Variants in PDE4B observed in about 807,000 individuals in gnomAD.
PDE4B encodes the protein phosphodiesterase 4B, also known as 3',5'-cyclic-AMP phosphodiesterase 4B.
In PDE4B, 20 loss-of-function variants were observed where a neutral mutation model predicts 82.2. The ratio of observed to expected loss-of-function variants is 0.24; its 90% CI spans 0.17 to 0.35. PDE4B has a LOEUF of 0.35. Among genes scored for constraint, PDE4B ranks in the 10% least tolerant of loss-of-function variants. PDE4B has a pLI of 1.00. For synonymous variants in PDE4B, 320 were observed against 318.9 expected (o/e 1.00, Z -0.04); for missense variants, 655 against 907.2 (o/e 0.72, Z 3.57).
At chr1:65,872,002 A>G (rs1325220556) in intron 1 of PDE4B, among the ~76,000 whole-genome samples, 1 of 152,122 alleles carries the variant, frequency 6.6e-6, no homozygotes, top group African/African-American at 2.4e-5. Flanking sequence ...GTTTTTTTAA[A>G]GAGTAGGTGA....
intron 3 of PDE4B, among the ~76,000 whole-genome samples, chr1:66,235,104 A>G (rs1652301737): frequency 6.6e-6 from 1 of 152,214 alleles, no homozygotes; most frequent in Non-Finnish European, 1.5e-5. Flanking sequence ...TTCCGCTCTG[A>G]TCAGAAGACA....
intron 3 of PDE4B, among the ~76,000 whole-genome samples, chr1:66,132,181 G>C (rs578144975): frequency 6.6e-6 from 1 of 152,148 alleles, no homozygotes; most frequent in Non-Finnish European, 1.5e-5. Context: ...TGACTTTAGA[G>C]TGTCCCTGAA....
intron 1 of PDE4B, among the ~76,000 whole-genome samples, chr1:65,867,087 G>T (rs574784782): frequency 6.6e-6 from 1 of 152,220 alleles, no homozygotes; most frequent in South Asian, 2.1e-4. Flanking sequence ...GATGGAATAA[G>T]ACTGATAACA....
chr1:66,289,356 A>T (rs764911013), intron 7 of PDE4B, among the ~76,000 whole-genome samples: 1 of 152,190 alleles, frequency 6.6e-6, no homozygotes, highest in Non-Finnish European at 1.5e-5. Flanking sequence ...ATAGATTTTG[A>T]TAAGTGCTTC....
chr1:66,012,691 G>T (rs1652554299), intron 3 of PDE4B, among the ~76,000 whole-genome samples: 1 of 152,034 alleles, frequency 6.6e-6, no homozygotes. Context: ...ATATTTTCAA[G>T]GACTTGAACA....
At chr1:66,271,144 C>T (rs1006196387) in intron 7 of PDE4B, among the ~76,000 whole-genome samples, 2 of 152,198 alleles carry the variant, frequency 1.3e-5, no homozygotes, top group African/African-American at 4.8e-5. Flanking sequence ...ACATTAATAC[C>T]TCAGCTAAAG....
At chr1:66,054,161 A>G (rs12759111) in intron 3 of PDE4B, among the ~76,000 whole-genome samples, 12,550 of 152,206 alleles carry the variant, frequency 0.082, 973 homozygotes, top group East Asian at 0.26. Context: ...TGTTGCCGTG[A>G]TTTGTATTTT....
At position 66,346,498 on chromosome 1, in the gene PDE4B, AT is replaced by A. The variant is rs570214686; in HGVS notation, c.748-9026del. Among the ~76,000 whole-genome samples, 102 of 152,274 alleles carry A rather than the reference AT, an allele frequency of 6.7e-4. 1 individual carries two copies. In the Middle Eastern group the frequency reaches 0.01, roughly 15 times the overall value. On this transcript the variant is annotated intron_variant, in intron 8 of 16. Coordinates refer to ENST00000341517, the MANE Select transcript of PDE4B (RefSeq NM_002600.4). ...ACCATTTTGAGTTATGGTGCTTTTC[AT>A]TTGACTTGCTTCATCTATCTTTCTG...
intron 3 of PDE4B, among the ~76,000 whole-genome samples, chr1:66,201,650 T>C (rs1326426378): frequency 2.6e-5 from 4 of 151,358 alleles, no homozygotes; most frequent in African/African-American, 9.7e-5. Context: ...TTTGTAGTAT[T>C]CTCTGATGGT....
At chr1:65,859,011 T>C (rs1414972841) in intron 1 of PDE4B, among the ~76,000 whole-genome samples, 1 of 152,162 alleles carries the variant, frequency 6.6e-6, no homozygotes, top group Non-Finnish European at 1.5e-5. Flanking sequence ...CTGTTTGAAC[T>C]TTATTATATA....
intron 1 of PDE4B, among the ~76,000 whole-genome samples, chr1:65,883,005 C>T (rs1240525977): frequency 6.6e-6 from 1 of 152,112 alleles, no homozygotes; most frequent in South Asian, 2.1e-4. Flanking sequence ...ATTTATCTGA[C>T]CTTGGGCGAA....
At chr1:66,029,557 G>A (rs1482084648) in intron 3 of PDE4B, among the ~76,000 whole-genome samples, 2 of 152,096 alleles carry the variant, frequency 1.3e-5, no homozygotes, top group Non-Finnish European at 2.9e-5. Context: ...AAAAATGAAA[G>A]ATGAAGAGTC....
At chr1:66,011,181 T>G (rs1569967886) in intron 3 of PDE4B, among the ~76,000 whole-genome samples, 1 of 150,934 alleles carries the variant, frequency 6.6e-6, no homozygotes, top group East Asian at 1.9e-4. Flanking sequence ...CAAGCATTTG[T>G]TTTTATGTTT....
intron 3 of PDE4B, among the ~76,000 whole-genome samples, chr1:66,129,749 G>A (rs1250486165): frequency 6.6e-6 from 1 of 151,598 alleles, no homozygotes; most frequent in Non-Finnish European, 1.5e-5. Context: ...ATTTCATAAG[G>A]TTGTATATTA....
chr1:66,179,007 A>G (rs1647002429), intron 3 of PDE4B, among the ~76,000 whole-genome samples: 1 of 152,044 alleles, frequency 6.6e-6, no homozygotes, highest in South Asian at 2.1e-4. Flanking sequence ...CCTGCCAGGA[A>G]GGACTGGATA....
chr1:65,941,913 T>C (rs1432415524), intron 3 of PDE4B, among the ~76,000 whole-genome samples: 1 of 152,070 alleles, frequency 6.6e-6, no homozygotes, highest in Non-Finnish European at 1.5e-5. Flanking sequence ...CTCCATTTTC[T>C]CTGGCATCAG....
intron 6 of PDE4B, among the ~76,000 whole-genome samples, chr1:66,261,915 C>T (rs895688895): frequency 1.8e-4 from 27 of 152,274 alleles, no homozygotes; most frequent in South Asian, 4.1e-4. Flanking sequence ...TAATCAGGTG[C>T]GCAAGTGAGT....
intron 1 of PDE4B, among the ~76,000 whole-genome samples, chr1:65,910,509 T>C (rs768916409): frequency 2.0e-5 from 3 of 152,194 alleles, no homozygotes; most frequent in African/African-American, 4.8e-5. Context: ...TTAGTCAGGA[T>C]CCTAGTAGGA....
At chr1:66,299,967 TATA>T (rs1657770261) in intron 7 of PDE4B, among the ~76,000 whole-genome samples, 1 of 152,174 alleles carries the variant, frequency 6.6e-6, no homozygotes, top group African/African-American at 2.4e-5. Flanking sequence ...AAATATATGT[TATA>T]ATATGAATTA....
Sources: allele counts gnomAD v4.1 joint callset (sites outside exome capture counted in the v4.1 genomes callset), GRCh38; gene constraint gnomAD v4.1.1; transcripts MANE v1.5; gene names NCBI Gene and HGNC (gene_info 2026-07-23, HGNC 2026-07-21).